The following IFNG-AS1 variants were observed in gnomAD, a reference collection of about 807,000 sequenced individuals.
IFNG-AS1 encodes the protein IFNG regulatory antisense RNA 1, also known as IFNG antisense RNA 1 (non-protein coding).
chr12:67,999,765 A>T (rs1238635216), intron 2 of IFNG-AS1, among the ~76,000 whole-genome samples: 1 of 152,202 alleles, frequency 6.6e-6, no homozygotes, highest in African/African-American at 2.4e-5. Context: ...GGCAATATAT[A>T]AGAAACAGGA....
chr12:68,014,821 C>A (rs1352554797), intron 3 of IFNG-AS1, among the ~76,000 whole-genome samples: 2 of 151,974 alleles, frequency 1.3e-5, no homozygotes, highest in Non-Finnish European at 2.9e-5. Context: ...CACACAGACA[C>A]CCTATTGGTT....
intron 1 of IFNG-AS1, among the ~76,000 whole-genome samples, chr12:67,990,557 A>C (rs898934602): frequency 6.6e-6 from 1 of 152,124 alleles, no homozygotes; most frequent in African/African-American, 2.4e-5. Flanking sequence ...TCCTTTTTTA[A>C]AGGAAACTTT....
intron 2 of IFNG-AS1, among the ~76,000 whole-genome samples, chr12:67,998,319 G>GAACCC (rs1217465966): frequency 6.6e-6 from 1 of 151,706 alleles, no homozygotes; most frequent in East Asian, 1.9e-4. Flanking sequence ...GGATTCCTGT[G>GAACCC]AACCTATTTG....
chr12:67,993,325 C>A (rs190401943), intron 1 of IFNG-AS1, among the ~76,000 whole-genome samples: 11 of 152,216 alleles, frequency 7.2e-5, no homozygotes, highest in Admixed American at 7.2e-4. Context: ...TCAGTGAAAG[C>A]ATCAAAATAT....
chr12:68,009,918 AAAAAT>A (rs1328375124), intron 3 of IFNG-AS1, among the ~76,000 whole-genome samples: 3 of 152,344 alleles, frequency 2.0e-5, no homozygotes, highest in South Asian at 2.1e-4. Flanking sequence ...GATGAGTTTT[AAAAAT>A]AAAATAAAAG....
intron 1 of IFNG-AS1, among the ~76,000 whole-genome samples, chr12:67,995,449 A>G (rs1195534098): frequency 4.2e-5 from 6 of 141,898 alleles, no homozygotes; most frequent in South Asian, 2.3e-4. Flanking sequence ...AGGGCCGCGC[A>G]CTGTGGCTCA....
At chr12:68,002,303 C>A (rs2120438410) in intron 2 of IFNG-AS1, among the ~76,000 whole-genome samples, 1 of 152,336 alleles carries the variant, frequency 6.6e-6, no homozygotes, top group South Asian at 2.1e-4. Flanking sequence ...ACACCCAGCA[C>A]TGCCCTGGAG....
rs78717378 is a variant in IFNG-AS1, at chr12:68,018,788, T to A, written n.242-1074T>A. 9.9e-3 allele frequency among the ~76,000 whole-genome samples: 67 copies of A among 6,796 alleles called. 1 individual carries two copies. In the South Asian group the frequency reaches 0.29, roughly 30 times the overall value. The allele number at this position is 6,796 out of a possible 152,430, so 4.5% of individuals were successfully genotyped here. A position where few individuals can be genotyped will look rare whatever the true frequency, so the allele number is the denominator to read the frequency against. The stretch of plus-strand genomic sequence containing the variant: ...TTTTGTTTTGTTTTTATATATATAT[T>A]TTTTTTTATTATACTTTAAGTTCTA... On this transcript the variant is annotated intron_variant and non_coding_transcript_variant, in intron 3 of 5. Transcript: ENST00000536914.
intron 3 of IFNG-AS1, among the ~76,000 whole-genome samples, chr12:68,009,126 C>A (rs982459937): frequency 2.0e-5 from 3 of 152,204 alleles, no homozygotes; most frequent in Non-Finnish European, 4.4e-5. Flanking sequence ...AGATTAAAAA[C>A]ATCCTACATT....
At chr12:68,005,961 ACGGGTTACT>A (rs1565689715) in intron 2 of IFNG-AS1, 1 of 152,250 alleles carries the variant, frequency 6.6e-6, no homozygotes, top group Non-Finnish European at 1.5e-5. Flanking sequence ...ACTGCAGATT[ACGGGTTACT>A]GATCAATGAA....
intron 3 of IFNG-AS1, among the ~76,000 whole-genome samples, chr12:68,008,154 T>C (rs564463062): frequency 3.3e-5 from 5 of 152,294 alleles, no homozygotes; most frequent in South Asian, 2.1e-4. Context: ...CAGTGGCTCA[T>C]GCCTGTAATC....
chr12:68,011,021 T>A (rs964673774), intron 3 of IFNG-AS1, among the ~76,000 whole-genome samples: 1 of 152,212 alleles, frequency 6.6e-6, no homozygotes, highest in African/African-American at 2.4e-5. Context: ...GGTTTTTAGA[T>A]GAGAAAACAG....
chr12:68,002,740 G>A (rs1879798079), intron 2 of IFNG-AS1, among the ~76,000 whole-genome samples: 1 of 152,158 alleles, frequency 6.6e-6, no homozygotes, highest in South Asian at 2.1e-4. Flanking sequence ...TCATTTCATA[G>A]ATGAGGACTT....
intron 3 of IFNG-AS1, among the ~76,000 whole-genome samples, chr12:68,007,325 T>C (rs1213336533): frequency 1.3e-5 from 2 of 152,244 alleles, no homozygotes; most frequent in South Asian, 2.1e-4. Flanking sequence ...CCTTATATGA[T>C]GCAGCTCTAC....
At chr12:68,013,881 C>T (rs565386957) in intron 3 of IFNG-AS1, among the ~76,000 whole-genome samples, 1 of 152,250 alleles carries the variant, frequency 6.6e-6, no homozygotes, top group East Asian at 1.9e-4. Flanking sequence ...GATTTTGGTG[C>T]ACCCATCACC....
At chr12:67,989,563 G>T (rs917262426) in exon 1 of IFNG-AS1, 1 of 152,182 alleles carries the variant, frequency 6.6e-6, no homozygotes, top group African/African-American at 2.4e-5. Flanking sequence ...AAGATACAAC[G>T]AACTAGCACA....
chr12:68,009,828 G>C (rs1190535656), intron 3 of IFNG-AS1, among the ~76,000 whole-genome samples: 1 of 152,130 alleles, frequency 6.6e-6, no homozygotes, highest in African/African-American at 2.4e-5. Flanking sequence ...ATACACCAGG[G>C]AAGCAGTACT....
rs553312234 is a variant in IFNG-AS1 at position 68,008,372 on chromosome 12, C to T, written n.241+2226C>T. On this transcript the variant is annotated intron_variant and non_coding_transcript_variant, in intron 3 of 5. Transcript: ENST00000536914. Reference sequence around the variant, plus strand: ...CAGAGGTTGCAGTGAGCCAAGACCACGCCACTGCACTCCAGCCTGGGCGAC... The same window carrying T: ...CAGAGGTTGCAGTGAGCCAAGACCATGCCACTGCACTCCAGCCTGGGCGAC... Among the ~76,000 whole-genome samples, 8 of 150,818 alleles carry T rather than the reference C, an allele frequency of 5.3e-5. No individual in the cohort carries two copies. In the East Asian group the frequency reaches 9.8e-4, roughly 18 times the overall value.
At chr12:68,004,820 G>A (rs1228421974) in intron 2 of IFNG-AS1, among the ~76,000 whole-genome samples, 1 of 151,946 alleles carries the variant, frequency 6.6e-6, no homozygotes, top group Non-Finnish European at 1.5e-5. Context: ...ACAGTGATGG[G>A]GAAAAATTGG....
Sources: allele counts gnomAD v4.1 joint callset (sites outside exome capture counted in the v4.1 genomes callset), GRCh38; gene constraint gnomAD v4.1.1; transcripts MANE v1.5; gene names NCBI Gene and HGNC (gene_info 2026-07-23, HGNC 2026-07-21).